The following IQGAP1 variants were observed in gnomAD, a reference collection of about 807,000 sequenced individuals.
IQGAP1 encodes the protein IQ motif containing GTPase activating protein 1.
IQGAP1 carries 66 observed loss-of-function variants against 215.6 expected under a neutral mutation model. That is an observed-to-expected ratio of 0.31 (90% CI 0.25 to 0.38). IQGAP1 has a LOEUF of 0.38. IQGAP1 is among the 10% of genes least tolerant of loss of function. IQGAP1 has a pLI of 1.00. For synonymous variants in IQGAP1, 772 were observed against 728.7 expected, an observed-to-expected ratio of 1.06 and a Z score of -0.96; for missense variants, 1,712 against 1,997.1, an observed-to-expected ratio of 0.86 and a Z score of 2.72.
At chr15:90,416,081 A>G (rs1258763778) in intron 2 of IQGAP1, among the ~76,000 whole-genome samples, 1 of 152,006 alleles carries the variant, frequency 6.6e-6, no homozygotes, top group Non-Finnish European at 1.5e-5. Flanking sequence ...CAGGTTTGTT[A>G]CATAATGTAT....
intron 18 of IQGAP1, among the ~76,000 whole-genome samples, chr15:90,472,557 C>T (rs1965920804): frequency 6.6e-6 from 1 of 152,050 alleles, no homozygotes; most frequent in East Asian, 1.9e-4. Flanking sequence ...GCACAGTGCC[C>T]AGCCTAGTCA....
At chr15:90,427,682 G>A (rs1965243801) in intron 3 of IQGAP1, among the ~76,000 whole-genome samples, 1 of 152,120 alleles carries the variant, frequency 6.6e-6, no homozygotes, top group Non-Finnish European at 1.5e-5. Context: ...GGGGGTTACA[G>A]TGAGCTGAGA....
In IQGAP1 at chr15:90,390,753, ATTCT is replaced by A; in HGVS notation, c.56-14_56-11del. The A allele has an allele frequency of 1.3e-6, 2 of 1,518,012 alleles. No individual in the cohort carries two copies. The highest frequency in any genetic ancestry group is 2.3e-5 in the East Asian group (1 of 44,366). 94.0% of individuals were successfully genotyped at this position (1,518,012 alleles called of 1,614,324 possible). On this transcript the variant is annotated splice_polypyrimidine_tract_variant and intron_variant, in intron 1 of 37. Coordinates refer to ENST00000268182, the MANE Select transcript of IQGAP1 (RefSeq NM_003870.4). ...GAAGGCTACAGATCCTGGTGTTTAC[ATTCT>A]TTCTTTTATGTTGTAGCTGTCCTGG...
chr15:90,441,544 C>CGTA lies in IQGAP1; in HGVS notation c.690_692dup (p.Arg230_Arg231insSer). ...TATTGCTATTAATGAAGCTATTGAC[C>CGTA]GTAGAATTCCAGCCGACACATTTGC... On this transcript the variant is annotated inframe_insertion, in exon 8 of 38. Coordinates refer to ENST00000268182, the MANE Select transcript of IQGAP1 (RefSeq NM_003870.4). 6.2e-7 allele frequency: 1 copy of CGTA among 1,613,114 alleles called. No homozygotes were observed.
chr15:90,402,669 A>G (rs528137561), intron 2 of IQGAP1, among the ~76,000 whole-genome samples: 1 of 152,374 alleles, frequency 6.6e-6, no homozygotes, highest in South Asian at 2.1e-4. Context: ...GATGAGCAAC[A>G]TAAGAAACTA....
chr15:90,443,404 CAG>C lies in IQGAP1; in HGVS notation c.847_848del (p.Glu283LysfsTer5), dbSNP rs907683747. On this transcript the variant is annotated frameshift_variant, in exon 9 of 38. Transcript: ENST00000268182. LOFTEE classifies it high-confidence loss of function. ...TTTACTCATCCTCAGACAGAAAACTCAGAGAGAGAAAGAGATGTTTATGAGGA... is the reference window on the plus strand; with the variant it reads ...TTTACTCATCCTCAGACAGAAAACTCAGAGAGAAAGAGATGTTTATGAGGA... 6.2e-7 allele frequency: 1 copy of C among 1,612,072 alleles called. No individual in the cohort carries two copies. Among genetic ancestry groups the C allele is most frequent in the Non-Finnish European group, 8.5e-7 (1 of 1,178,492 alleles).
At chr15:90,406,171 C>T (rs7175440) in intron 2 of IQGAP1, among the ~76,000 whole-genome samples, 23,378 of 152,110 alleles carry the variant, frequency 0.15, 2,030 homozygotes, top group South Asian at 0.23. Flanking sequence ...AGAAAAATTC[C>T]AGAGCACATT....
Position 90,457,468 on chromosome 15 carries a change from C to T in IQGAP1, c.1776+1153C>T, listed in dbSNP as rs113223796. ...TTGAGACGGAGTCTTGCTCTGTCAC[C>T]CAGGCTAGAGTGCAATGACGCAATC... is the stretch of plus-strand genomic sequence containing the variant. On this transcript the variant is annotated intron_variant, in intron 15 of 37. Transcript: ENST00000268182. Among the ~76,000 whole-genome samples, 726 of 151,796 alleles carry T rather than the reference C, an allele frequency of 4.8e-3. 11 individuals are homozygous for T. The highest frequency in any genetic ancestry group is 0.017 in the African/African-American group (712 of 41,354).
rs1432440552 is a variant in IQGAP1, at chr15:90,477,196, C to T, written c.3070C>T (p.Arg1024Trp). Reference protein sequence around the residue: ...SNQREEYLLLRLFKTALQEEI... With the variant: ...SNQREEYLLLWLFKTALQEEI... ...CCAGCGAGAGGAGTACCTGCTCCTG[C>T]GGCTCTTTAAGACAGCACTCCAAGA... The change falls in exon 25 of 38, where the codon CGG becomes TGG. Residue 1024 changes from arginine to tryptophan, a missense_variant. Physicochemically the swap from Arg to Trp is moderately radical, Grantham distance 101. Coordinates refer to ENST00000268182, the MANE Select transcript of IQGAP1 (RefSeq NM_003870.4). 23 of 1,613,980 alleles carry T rather than the reference C, an allele frequency of 1.4e-5. No homozygotes were observed. The highest frequency in any genetic ancestry group is 1.9e-5 in the Non-Finnish European group (22 of 1,179,964).
chr15:90,493,544 A>T (rs1966234726), intron 35 of IQGAP1, among the ~76,000 whole-genome samples: 1 of 152,236 alleles, frequency 6.6e-6, no homozygotes, highest in Admixed American at 6.5e-5. Context: ...TTTATTCCTA[A>T]CTTTTTATTT....
intron 4 of IQGAP1, among the ~76,000 whole-genome samples, chr15:90,433,342 T>C (rs1965328742): frequency 6.6e-6 from 1 of 152,222 alleles, no homozygotes; most frequent in South Asian, 2.1e-4. Flanking sequence ...AGGAGCATTG[T>C]AGTTCTGAAA....
chr15:90,457,908 T>G (rs1965708729), intron 15 of IQGAP1, among the ~76,000 whole-genome samples: 1 of 152,236 alleles, frequency 6.6e-6, no homozygotes, highest in Non-Finnish European at 1.5e-5. Context: ...TGAAACGTAA[T>G]TCACGTATCA....
chr15:90,448,581 G>A lies in IQGAP1; in HGVS notation c.922G>A (p.Ala308Thr), dbSNP rs146864760. ...TTGCCTTTTTTCCTCAGCATTTTCTGCATTAGCAAATATCGACCTGGCTTT... is the reference window on the plus strand; with the variant it reads ...TTGCCTTTTTTCCTCAGCATTTTCTACATTAGCAAATATCGACCTGGCTTT... Reference protein sequence around the residue: ...GNINKVNTFSALANIDLALEQ... With the variant: ...GNINKVNTFSTLANIDLALEQ... The change falls in exon 10 of 38, where the codon GCA (alanine) becomes ACA (threonine). Residue 308 changes from alanine to threonine, a missense_variant. Physicochemically the swap from Ala to Thr is moderately conservative, Grantham distance 58. This residue lies in a region of IQGAP1 where 1,021 missense variants were observed against 1,074.2 expected (regional missense o/e 0.95). Transcript: ENST00000268182. The A allele has an allele frequency of 1.7e-5, 27 of 1,584,090 alleles. No individual in the cohort carries two copies. The highest frequency in any genetic ancestry group is 2.3e-5 in the Non-Finnish European group (27 of 1,165,662).
At chr15:90,480,399 G>A (rs1650988114) in intron 26 of IQGAP1, among the ~76,000 whole-genome samples, 1 of 152,064 alleles carries the variant, frequency 6.6e-6, no homozygotes, top group Admixed American at 6.5e-5. Context: ...CACCTCTTGG[G>A]AATGTTCTTT....
chr15:90,473,876 C>G lies in IQGAP1; in HGVS notation c.2434-20C>G. 1 of 1,613,520 alleles carries G rather than the reference C, an allele frequency of 6.2e-7. No homozygotes were observed. The highest frequency in any genetic ancestry group is 8.5e-7 in the Non-Finnish European group (1 of 1,179,780). On this transcript the variant is annotated intron_variant, in intron 20 of 37. Transcript: ENST00000268182. ...TTGAGATGAAGGACTCTTCTAATTT[C>G]CAGGATCCCTTTTCCACAGATTCAG...
At chr15:90,417,634 A>AGTCAG (rs1273092127) in intron 2 of IQGAP1, among the ~76,000 whole-genome samples, 2 of 152,220 alleles carry the variant, frequency 1.3e-5, no homozygotes, top group Non-Finnish European at 2.9e-5. Context: ...TATAGTTTGA[A>AGTCAG]GTCAGGTAGC....
In IQGAP1 at chr15:90,482,166, C is replaced by T. The variant is rs368117705; in HGVS notation, c.3471-31C>T. The T allele has an allele frequency of 2.7e-5, 44 of 1,613,990 alleles. No individual in the cohort carries two copies. In the South Asian group the frequency reaches 4.2e-4, roughly 15 times the overall value. On this transcript the variant is annotated intron_variant, in intron 27 of 37. Transcript: ENST00000268182. ...CACTAAGTGCCTTTCTGCTCCTTGG[C>T]CCTTCTCACTAAGTTTTGTCCATCC...
Position 90,501,197 on chromosome 15 carries a change from A to C in IQGAP1, c.*1089A>C, listed in dbSNP as rs1238937843. 6.6e-6 allele frequency: 1 copy of C among 152,612 alleles called. No homozygotes were observed. The highest frequency in any genetic ancestry group is 1.9e-4 in the East Asian group (1 of 5,192). The allele number at this position is 152,612 out of a possible 1,614,324, so 9.5% of individuals were successfully genotyped here. On this transcript the variant is annotated 3_prime_UTR_variant, in exon 38 of 38. Coordinates refer to ENST00000268182, the MANE Select transcript of IQGAP1 (RefSeq NM_003870.4). ...CCTTTAATTGTCTAAAACAAAAACA[A>C]AACCAGCCAACCTATGTTACACGTG...
At chr15:90,440,137 T>C (rs536650925) in intron 6 of IQGAP1, among the ~76,000 whole-genome samples, 1 of 152,358 alleles carries the variant, frequency 6.6e-6, no homozygotes, top group Non-Finnish European at 1.5e-5. Flanking sequence ...CAGCTAATGA[T>C]TGTAAAGACT....
Sources: allele counts gnomAD v4.1 joint callset (sites outside exome capture counted in the v4.1 genomes callset), GRCh38; gene constraint gnomAD v4.1.1; regional missense constraint gnomAD v4.1.1; transcripts MANE v1.5; gene names NCBI Gene and HGNC (gene_info 2026-07-23, HGNC 2026-07-21).